The following RSRC1 variants were observed in gnomAD, a reference collection of about 807,000 sequenced individuals.
RSRC1 encodes serine/Arginine-related protein 53.
Under a neutral mutation model 49.1 loss-of-function variants are expected in RSRC1, and 39 were observed. That is an observed-to-expected ratio of 0.79 (90% CI 0.61 to 1.04). The LOEUF is 1.04. Among genes scored for constraint, RSRC1 ranks in the 50% least tolerant of loss-of-function variants. RSRC1 has a pLI of 0.00. For missense variants in RSRC1, 388 were observed against 402.4 expected, an observed-to-expected ratio of 0.96 and a Z score of 0.31; for synonymous variants, 143 against 130.8, an observed-to-expected ratio of 1.09 and a Z score of -0.63.
chr3:158,285,935 TAG>T (rs1229004100), intron 4 of RSRC1, among the ~76,000 whole-genome samples: 1 of 152,216 alleles, frequency 6.6e-6, no homozygotes, highest in Non-Finnish European at 1.5e-5. Context: ...CTATGTTGAA[TAG>T]GAGTGGTGTT....
intron 7 of RSRC1, among the ~76,000 whole-genome samples, chr3:158,520,716 T>C (rs1336066756): frequency 6.6e-6 from 1 of 152,190 alleles, no homozygotes; most frequent in Non-Finnish European, 1.5e-5. Context: ...AATTGTGGAT[T>C]TGCAGTGGTT....
At chr3:158,191,301 T>C (rs910957554) in intron 3 of RSRC1, among the ~76,000 whole-genome samples, 1 of 152,122 alleles carries the variant, frequency 6.6e-6, no homozygotes, top group African/African-American at 2.4e-5. Flanking sequence ...ATGTTATTTT[T>C]GTTCAATGTG....
intron 6 of RSRC1, among the ~76,000 whole-genome samples, chr3:158,393,969 G>A (rs1394973969): frequency 6.6e-6 from 1 of 151,990 alleles, no homozygotes; most frequent in Non-Finnish European, 1.5e-5. Flanking sequence ...AATCAAGTAG[G>A]CTTTATCCCT....
At chr3:158,268,286 G>T (rs1252930164) in intron 4 of RSRC1, among the ~76,000 whole-genome samples, 1 of 152,096 alleles carries the variant, frequency 6.6e-6, no homozygotes, top group Non-Finnish European at 1.5e-5. Flanking sequence ...CGCATCAAAG[G>T]TATATTTCTC....
chr3:158,353,841 G>A (rs1311968735), intron 5 of RSRC1, among the ~76,000 whole-genome samples: 1 of 152,018 alleles, frequency 6.6e-6, no homozygotes, highest in Non-Finnish European at 1.5e-5. Context: ...ATTAATTGAA[G>A]TCTCAAGTAT....
chr3:158,329,520 T>G (rs906842782), intron 5 of RSRC1, among the ~76,000 whole-genome samples: 1 of 152,208 alleles, frequency 6.6e-6, no homozygotes, highest in African/African-American at 2.4e-5. Context: ...CCTGTTTGCC[T>G]GGGTATCAGC....
intron 5 of RSRC1, among the ~76,000 whole-genome samples, chr3:158,324,734 T>C (rs1728977314): frequency 6.6e-6 from 1 of 152,224 alleles, no homozygotes; most frequent in African/African-American, 2.4e-5. Context: ...TTATAATCCT[T>C]TGGGTATATA....
At chr3:158,181,307 C>G (rs2108252854) in intron 3 of RSRC1, among the ~76,000 whole-genome samples, 1 of 152,154 alleles carries the variant, frequency 6.6e-6, no homozygotes, top group Middle Eastern at 3.4e-3. Flanking sequence ...GCTAAGGATC[C>G]TTTTTGGATG....
At chr3:158,382,570 T>C (rs1161702037) in intron 6 of RSRC1, among the ~76,000 whole-genome samples, 1 of 152,172 alleles carries the variant, frequency 6.6e-6, no homozygotes, top group Non-Finnish European at 1.5e-5. Flanking sequence ...TAGGTCTCTT[T>C]AGCCTGGCCA....
intron 7 of RSRC1, among the ~76,000 whole-genome samples, chr3:158,463,039 A>AT (rs1380778316): frequency 3.5e-4 from 53 of 152,200 alleles, no homozygotes; most frequent in African/African-American, 1.3e-3. Context: ...TGATGAATGA[A>AT]TAAATCAATG....
intron 4 of RSRC1, among the ~76,000 whole-genome samples, chr3:158,285,800 A>G (rs549619355): frequency 4.1e-4 from 62 of 152,296 alleles, no homozygotes; most frequent in African/African-American, 1.3e-3. Context: ...GGGCTGAGAC[A>G]GTGGGGTTTT....
intron 4 of RSRC1, among the ~76,000 whole-genome samples, chr3:158,208,114 C>G (rs1721451038): frequency 6.6e-6 from 1 of 151,956 alleles, no homozygotes; most frequent in African/African-American, 2.4e-5. Flanking sequence ...ACATCGAGTC[C>G]TGTCTGAAAT....
chr3:158,506,837 T>C (rs1739882844), intron 7 of RSRC1, among the ~76,000 whole-genome samples: 1 of 149,254 alleles, frequency 6.7e-6, no homozygotes, highest in Non-Finnish European at 1.5e-5. Flanking sequence ...TGTATATATT[T>C]TATATATGTA....
intron 4 of RSRC1, among the ~76,000 whole-genome samples, chr3:158,276,876 T>A (rs1308203623): frequency 6.6e-6 from 1 of 152,168 alleles, no homozygotes; most frequent in Non-Finnish European, 1.5e-5. Context: ...ATACAACACA[T>A]CTCTTTTTGC....
intron 1 of RSRC1, among the ~76,000 whole-genome samples, chr3:158,117,088 G>A (rs538954019): frequency 6.6e-6 from 1 of 152,180 alleles, no homozygotes; most frequent in South Asian, 2.1e-4. Flanking sequence ...TCTAGGTTGA[G>A]ATTCATTTTC....
chr3:158,494,063 T>G (rs1437280930), intron 7 of RSRC1, among the ~76,000 whole-genome samples: 3 of 152,222 alleles, frequency 2.0e-5, no homozygotes, highest in African/African-American at 7.2e-5. Context: ...GAAATTATTT[T>G]ATCACTTCAA....
chr3:158,456,309 GTT>G (rs74491157), intron 6 of RSRC1, among the ~76,000 whole-genome samples: 2 of 140,634 alleles, frequency 1.4e-5, no homozygotes. Context: ...TTACGTGAGG[GTT>G]TTTTTTTTTT....
intron 7 of RSRC1, among the ~76,000 whole-genome samples, chr3:158,508,902 C>G (rs1335873855): frequency 6.6e-6 from 1 of 152,172 alleles, no homozygotes; most frequent in Non-Finnish European, 1.5e-5. Flanking sequence ...TCAAGCAATC[C>G]TCCCACCTCT....
intron 4 of RSRC1, among the ~76,000 whole-genome samples, chr3:158,205,831 A>T (rs975648388): frequency 9.2e-5 from 14 of 152,160 alleles, no homozygotes; most frequent in Non-Finnish European, 8.8e-5. Context: ...CTAAAAAAAA[A>T]TCACAAAAAT....
Sources: allele counts gnomAD v4.1 joint callset (sites outside exome capture counted in the v4.1 genomes callset), GRCh38; gene constraint gnomAD v4.1.1; transcripts MANE v1.5; gene names NCBI Gene and HGNC (gene_info 2026-07-23, HGNC 2026-07-21).